The following RYK variants were observed in gnomAD, a reference collection of about 807,000 sequenced individuals.
The protein encoded by RYK is receptor like tyrosine kinase.
In RYK, 21 loss-of-function variants were observed where a neutral mutation model predicts 70.2. The ratio of observed to expected loss-of-function variants is 0.30; its 90% CI spans 0.21 to 0.43. The LOEUF is 0.43. RYK is among the 20% of genes least tolerant of loss of function. The probability of loss-of-function intolerance (pLI) is 1.00; values close to 1 mark genes in which losing one functional copy is unlikely to be tolerated. For synonymous variants in RYK, 267 were observed against 278.0 expected, an observed-to-expected ratio of 0.96 and a Z score of 0.39; for missense variants, 604 against 753.3, an observed-to-expected ratio of 0.80 and a Z score of 2.32.
chr3:134,177,342 T>C (rs965286849), intron 11 of RYK, among the ~76,000 whole-genome samples: 4 of 151,962 alleles, frequency 2.6e-5, no homozygotes, highest in African/African-American at 9.7e-5. Context: ...CTATTATAAA[T>C]CCTAAAGCAA....
At chr3:134,228,978 CAAT>C (rs1254561541) in intron 1 of RYK, among the ~76,000 whole-genome samples, 1 of 151,438 alleles carries the variant, frequency 6.6e-6, no homozygotes, top group East Asian at 1.9e-4. Context: ...TAAATATGTA[CAAT>C]AATAATGTGT....
intron 2 of RYK, 39 bp downstream of exon 2, chr3:134,222,379 T>A (rs775225220): frequency 3.3e-5 from 53 of 1,610,000 alleles, no homozygotes; most frequent in Non-Finnish European, 4.3e-5. Flanking sequence ...TGTGGCTGGG[T>A]GACCCTGTCA....
intron 1 of RYK, among the ~76,000 whole-genome samples, chr3:134,227,355 T>C (rs1258573759): frequency 6.6e-6 from 1 of 152,182 alleles, no homozygotes; most frequent in Non-Finnish European, 1.5e-5. Context: ...TCTCTCATAT[T>C]GATCTGCAGA....
chr3:134,211,542 A>C lies in RYK; in HGVS notation c.420T>G (p.Ile140Met), dbSNP rs761686729. ...VLAMDMPQVNISVQGEVPRTL... is the reference protein window; with the variant it reads ...VLAMDMPQVNMSVQGEVPRTL... The stretch of plus-strand genomic sequence containing the variant: ...TGCGTGGAACTTCCCCCTGAACAGA[A>C]ATGTTGACCTGGGGCATATCCATTG... The change falls in exon 3 of 15, where the codon ATT (isoleucine) becomes ATG (methionine). Residue 140 changes from isoleucine (I) to methionine (M), a missense_variant. Physicochemically the swap from Ile to Met is conservative, Grantham distance 10. Transcript: ENST00000623711. 8 of 1,613,704 alleles carry C rather than the reference A, an allele frequency of 5.0e-6. No individual in the cohort carries two copies. The highest frequency in any genetic ancestry group is 3.3e-4 in the Middle Eastern group (2 of 6,062).
chr3:134,161,554 A>G (rs532201378), intron 13 of RYK, among the ~76,000 whole-genome samples: 6 of 152,354 alleles, frequency 3.9e-5, no homozygotes, highest in African/African-American at 1.2e-4. Flanking sequence ...ACTGAACAAC[A>G]ACAAAAAATT....
At chr3:134,179,070 TAA>T (rs1282012707) in intron 10 of RYK, 1 of 152,216 alleles carries the variant, frequency 6.6e-6, no homozygotes, top group East Asian at 1.9e-4. Context: ...AACAGGATAA[TAA>T]GTCACAATTG....
chr3:134,211,075 G>A (rs1470431233), intron 3 of RYK, among the ~76,000 whole-genome samples: 1 of 152,220 alleles, frequency 6.6e-6, no homozygotes, highest in Non-Finnish European at 1.5e-5. Flanking sequence ...GGCAGGCAGG[G>A]GCAGATGGTA....
At chr3:134,176,622 T>C (rs1475976657) in intron 11 of RYK, among the ~76,000 whole-genome samples, 1 of 152,130 alleles carries the variant, frequency 6.6e-6, no homozygotes, top group African/African-American at 2.4e-5. Context: ...GGCATGTTCC[T>C]GTGGTCCCAG....
At chr3:134,228,768 AG>A in intron 1 of RYK, among the ~76,000 whole-genome samples, 1 of 152,316 alleles carries the variant, frequency 6.6e-6, no homozygotes, top group East Asian at 1.9e-4. Flanking sequence ...GTTAGATAAG[AG>A]GAATAAATTC....
chr3:134,165,129 T>C (rs1225079314), intron 13 of RYK, among the ~76,000 whole-genome samples: 2 of 152,238 alleles, frequency 1.3e-5, no homozygotes, highest in East Asian at 1.9e-4. Context: ...GTCAGATTTA[T>C]TCCTGAGAAC....
intron 1 of RYK, among the ~76,000 whole-genome samples, chr3:134,241,882 T>C (rs2015335011): frequency 1.3e-5 from 2 of 152,028 alleles, no homozygotes; most frequent in South Asian, 2.1e-4. Context: ...CTATGGTTGA[T>C]AAAAGAGAAC....
intron 7 of RYK, among the ~76,000 whole-genome samples, chr3:134,192,255 G>A (rs1186988231): frequency 1.3e-5 from 2 of 152,072 alleles, no homozygotes; most frequent in Admixed American, 1.3e-4. Context: ...CACTTCAATT[G>A]CCTTTTAGCC....
intron 5 of RYK, among the ~76,000 whole-genome samples, chr3:134,205,601 G>A (rs780063542): frequency 5.9e-5 from 9 of 152,034 alleles, no homozygotes; most frequent in Non-Finnish European, 1.2e-4. Flanking sequence ...CCCTAGATGC[G>A]CCCTGCTCAA....
chr3:134,163,638 G>A (rs991415717), intron 13 of RYK, among the ~76,000 whole-genome samples: 1 of 152,126 alleles, frequency 6.6e-6, no homozygotes, highest in Non-Finnish European at 1.5e-5. Flanking sequence ...ACTAAAGATG[G>A]AGCTACTGAA....
intron 1 of RYK, among the ~76,000 whole-genome samples, chr3:134,227,463 C>T (rs1398697933): frequency 1.3e-5 from 2 of 151,410 alleles, no homozygotes; most frequent in Non-Finnish European, 2.9e-5. Flanking sequence ...AATGAAAATG[C>T]CTTGGAAGAG....
At chr3:134,160,762 G>A (rs1187969627) in intron 13 of RYK, among the ~76,000 whole-genome samples, 1 of 152,204 alleles carries the variant, frequency 6.6e-6, no homozygotes, top group Non-Finnish European at 1.5e-5. Context: ...GGCTGAAGCA[G>A]GAGAATCGCT....
chr3:134,187,955 A>G (rs1033270865), intron 9 of RYK, among the ~76,000 whole-genome samples: 1 of 151,984 alleles, frequency 6.6e-6, no homozygotes, highest in African/African-American at 2.4e-5. Context: ...CAGTAATAGG[A>G]AATAAGCCAT....
At chr3:134,233,769 GA>G (rs1288892481) in intron 1 of RYK, among the ~76,000 whole-genome samples, 1 of 152,014 alleles carries the variant, frequency 6.6e-6, no homozygotes, top group Non-Finnish European at 1.5e-5. Flanking sequence ...AAAAAACACT[GA>G]AAAAAGACTA....
intron 2 of RYK, among the ~76,000 whole-genome samples, chr3:134,212,853 C>G (rs1353543835): frequency 6.6e-6 from 1 of 152,158 alleles, no homozygotes; most frequent in Non-Finnish European, 1.5e-5. Context: ...TGGGGTTTCT[C>G]CTTTCACACT....
Sources: allele counts gnomAD v4.1 joint callset (sites outside exome capture counted in the v4.1 genomes callset), GRCh38; gene constraint gnomAD v4.1.1; transcripts MANE v1.5; gene names NCBI Gene and HGNC (gene_info 2026-07-23, HGNC 2026-07-21).